Variants in GALNTL6 observed in about 807,000 individuals in gnomAD.
GALNTL6 encodes the protein polypeptide N-acetylgalactosaminyltransferase like 6, also known as polypeptide N-acetylgalactosaminyltransferase-like 6.
GALNTL6 carries 46 observed loss-of-function variants against 73.7 expected under a neutral mutation model. That is an observed-to-expected ratio of 0.62 (90% CI 0.49 to 0.80). The LOEUF (loss-of-function observed/expected upper bound fraction) is 0.80, where lower values mean the gene tolerates loss of function less well. Ranked by LOEUF, GALNTL6 falls within the 30% of genes least tolerant of loss-of-function variation. The pLI, the probability that GALNTL6 is intolerant of heterozygous loss-of-function variation, is 0.00. For synonymous variants in GALNTL6, 259 were observed against 263.7 expected, an observed-to-expected ratio of 0.98 and a Z score of 0.17; for missense variants, 604 against 755.0, an observed-to-expected ratio of 0.80 and a Z score of 2.34.
At chr4:172,830,972 C>T (rs192296854) in intron 7 of GALNTL6, among the ~76,000 whole-genome samples, 6 of 151,930 alleles carry the variant, frequency 3.9e-5, no homozygotes, top group East Asian at 3.9e-4. Context: ...CCAGCCTGAC[C>T]GACATGGTGA....
At chr4:172,175,809 C>A (rs1012608530) in intron 2 of GALNTL6, among the ~76,000 whole-genome samples, 29 of 152,088 alleles carry the variant, frequency 1.9e-4, no homozygotes, top group African/African-American at 7.0e-4. Context: ...ATAATTTATT[C>A]TCTTTTTACT....
In GALNTL6 at chr4:171,833,227, C is replaced by A. The variant is rs1042418796; in HGVS notation, c.138+18509C>A. ...TGCTTATCATAATGGACAAGGGATGCTCAATGAATTGCTATTGACTGGTGT... is the reference window on the plus strand; with the variant it reads ...TGCTTATCATAATGGACAAGGGATGATCAATGAATTGCTATTGACTGGTGT... On this transcript the variant is annotated intron_variant, in intron 2 of 12. Coordinates refer to ENST00000506823, the MANE Select transcript of GALNTL6 (RefSeq NM_001034845.3). Among the ~76,000 whole-genome samples the A allele has an allele frequency of 2.0e-5, 3 of 151,524 alleles. No homozygotes were observed. In the East Asian group the frequency reaches 5.8e-4, roughly 29 times the overall value.
intron 5 of GALNTL6, among the ~76,000 whole-genome samples, chr4:172,515,853 C>T (rs572654801): frequency 7.2e-5 from 11 of 152,266 alleles, no homozygotes; most frequent in South Asian, 2.1e-4. Context: ...TGGCACAGCA[C>T]GGCATTCATT....
intron 5 of GALNTL6, among the ~76,000 whole-genome samples, chr4:172,709,257 A>G (rs1435473068): frequency 1.3e-5 from 2 of 152,118 alleles, no homozygotes; most frequent in African/African-American, 4.8e-5. Context: ...ACCCCATCAA[A>G]CAAGATTGGA....
intron 2 of GALNTL6, among the ~76,000 whole-genome samples, chr4:171,937,656 T>C (rs543543422): frequency 3.9e-5 from 6 of 152,276 alleles, no homozygotes; most frequent in African/African-American, 1.4e-4. Flanking sequence ...AATAGAATTA[T>C]GGAATCAGCT....
At chr4:172,784,237 C>T (rs928535024) in intron 5 of GALNTL6, among the ~76,000 whole-genome samples, 1 of 152,072 alleles carries the variant, frequency 6.6e-6, no homozygotes, top group African/African-American at 2.4e-5. Flanking sequence ...ATTAAAACTT[C>T]ATTCTAAACA....
chr4:172,729,569 C>G (rs1034214204), intron 5 of GALNTL6, among the ~76,000 whole-genome samples: 2 of 152,054 alleles, frequency 1.3e-5, no homozygotes, highest in Non-Finnish European at 2.9e-5. Flanking sequence ...TATCTGGATT[C>G]TCTATTCTGT....
At chr4:172,611,751 G>A (rs1414119053) in intron 5 of GALNTL6, among the ~76,000 whole-genome samples, 1 of 151,966 alleles carries the variant, frequency 6.6e-6, no homozygotes, top group African/African-American at 2.4e-5. Context: ...CATGTAATCA[G>A]TCTACTCTTA....
At chr4:172,490,584 C>A (rs1458512783) in intron 5 of GALNTL6, among the ~76,000 whole-genome samples, 3 of 152,116 alleles carry the variant, frequency 2.0e-5, no homozygotes, top group African/African-American at 7.2e-5. Flanking sequence ...GCTACTCTAT[C>A]TCACTTCTGA....
In GALNTL6 at chr4:172,069,522, G is replaced by GTTATA. The variant is rs1731460902; in HGVS notation, c.139-160133_139-160132insTATAT. Among the ~76,000 whole-genome samples the GTTATA allele has an allele frequency of 3.3e-3, 187 of 56,018 alleles. 60 individuals carry two copies. The highest frequency in any genetic ancestry group is 5.2e-3 in the Non-Finnish European group (158 of 30,620). 36.7% of individuals were successfully genotyped at this position (56,018 alleles called of 152,430 possible). A position where few individuals can be genotyped will look rare whatever the true frequency, so the allele number is the denominator to read the frequency against. On this transcript the variant is annotated intron_variant, in intron 2 of 12. Transcript: ENST00000506823. ...TATGTATAACACATATATGTTATAT[G>GTTATA]TATAACACATATATTATATATAACA...
At chr4:172,537,620 C>G (rs1735392280) in intron 5 of GALNTL6, among the ~76,000 whole-genome samples, 1 of 151,992 alleles carries the variant, frequency 6.6e-6, no homozygotes, top group African/African-American at 2.4e-5. Context: ...CAGACTAATA[C>G]AATTAGTGAT....
intron 5 of GALNTL6, among the ~76,000 whole-genome samples, chr4:172,405,419 ATATATATATATATATATATATATATT>A (rs1744176817): frequency 1.3e-3 from 2 of 1,548 alleles, no homozygotes; most frequent in African/African-American, 4.4e-3. Context: ...ATATATATAT[ATATATATATATATATATATATATATT>A]TTTTTTTTTT....
intron 8 of GALNTL6, among the ~76,000 whole-genome samples, chr4:172,916,606 GACAA>G (rs1247986106): frequency 2.0e-5 from 3 of 152,192 alleles, no homozygotes; most frequent in African/African-American, 7.2e-5. Context: ...ACCAATAACA[GACAA>G]ACAGAGAGCC....
At chr4:172,355,988 T>C (rs778221545) in intron 5 of GALNTL6, among the ~76,000 whole-genome samples, 1 of 152,136 alleles carries the variant, frequency 6.6e-6, no homozygotes, top group Non-Finnish European at 1.5e-5. Context: ...CTTTTAAAGG[T>C]AGAGAAAAGC....
At chr4:171,969,199 AAACCTCTGGTCCT>A (rs1739488478) in intron 2 of GALNTL6, among the ~76,000 whole-genome samples, 1 of 152,124 alleles carries the variant, frequency 6.6e-6, no homozygotes, top group African/African-American at 2.4e-5. Flanking sequence ...ATTTTTGTAT[AAACCTCTGGTCCT>A]AGGTTAAACA....
intron 2 of GALNTL6, among the ~76,000 whole-genome samples, chr4:172,099,854 T>C (rs186369999): frequency 4.3e-4 from 66 of 152,268 alleles, no homozygotes; most frequent in African/African-American, 1.6e-3. Context: ...CATTTTCTGG[T>C]CACTCTCTGC....
At chr4:172,154,336 G>A (rs1553997382) in intron 2 of GALNTL6, among the ~76,000 whole-genome samples, 2 of 151,962 alleles carry the variant, frequency 1.3e-5, no homozygotes, top group South Asian at 2.1e-4. Flanking sequence ...GGGTTCAAGC[G>A]ATTCTCCTGC....
intron 2 of GALNTL6, among the ~76,000 whole-genome samples, chr4:172,229,369 G>A (rs1263910274): frequency 2.6e-5 from 4 of 152,070 alleles, no homozygotes; most frequent in Non-Finnish European, 2.9e-5. Context: ...AAACAGCTAG[G>A]CATTTATGCT....
chr4:172,738,462 A>G (rs1196771124), intron 5 of GALNTL6, among the ~76,000 whole-genome samples: 4 of 152,162 alleles, frequency 2.6e-5, no homozygotes, highest in African/African-American at 9.7e-5. Context: ...CTACACCACC[A>G]TTTTGGATAA....
Sources: allele counts gnomAD v4.1 joint callset (sites outside exome capture counted in the v4.1 genomes callset), GRCh38; gene constraint gnomAD v4.1.1; transcripts MANE v1.5; gene names NCBI Gene and HGNC (gene_info 2026-07-23, HGNC 2026-07-21).